The following SEMA6D variants were observed in gnomAD, a reference collection of about 807,000 sequenced individuals.
SEMA6D encodes semaphorin 6D, also known as semaphorin-6D.
Under a neutral mutation model 106.6 loss-of-function variants are expected in SEMA6D, and 35 were observed. That is an observed-to-expected ratio of 0.33 (90% CI 0.25 to 0.44). The LOEUF (loss-of-function observed/expected upper bound fraction) is 0.44. SEMA6D is among the 20% of genes least tolerant of loss of function. SEMA6D has a pLI of 1.00. For synonymous variants in SEMA6D, 499 were observed against 487.7 expected, an observed-to-expected ratio of 1.02 and a Z score of -0.31; for missense variants, 1,185 against 1,345.9, an observed-to-expected ratio of 0.88 and a Z score of 1.87.
intron 1 of SEMA6D, among the ~76,000 whole-genome samples, chr15:47,739,013 T>G (rs2080626492): frequency 6.6e-6 from 1 of 152,164 alleles, no homozygotes; most frequent in African/African-American, 2.4e-5. Flanking sequence ...TGTTTCATAC[T>G]TCAGTAGCTG....
chr15:47,452,351 C>T (rs1396155320), intron 2 of SEMA6D, among the ~76,000 whole-genome samples: 2 of 150,720 alleles, frequency 1.3e-5, no homozygotes, highest in Non-Finnish European at 3.0e-5. Flanking sequence ...CTCAAAGTCA[C>T]ACGACTTGTG....
intron 1 of SEMA6D, among the ~76,000 whole-genome samples, chr15:47,747,266 T>C (rs2081196811): frequency 6.6e-6 from 1 of 152,148 alleles, no homozygotes; most frequent in South Asian, 2.1e-4. Context: ...GTTGCTAGAA[T>C]TATGGTCCCC....
chr15:47,581,789 A>T (rs1193272023), intron 3 of SEMA6D, among the ~76,000 whole-genome samples: 1 of 152,216 alleles, frequency 6.6e-6, no homozygotes, highest in Non-Finnish European at 1.5e-5. Context: ...TTTTTCCACT[A>T]CTGATTGAAG....
chr15:47,328,007 A>T (rs2037198994), intron 1 of SEMA6D, among the ~76,000 whole-genome samples: 1 of 152,290 alleles, frequency 6.6e-6, no homozygotes, highest in Admixed American at 6.5e-5. Context: ...TTGTTCATGG[A>T]TCTACTGCAA....
intron 1 of SEMA6D, among the ~76,000 whole-genome samples, chr15:47,326,724 T>C (rs936334716): frequency 3.9e-5 from 6 of 152,222 alleles, no homozygotes; most frequent in African/African-American, 1.4e-4. Flanking sequence ...AGTCAGTGAC[T>C]TCCTTAGAAG....
chr15:47,585,665 A>G (rs72733898), intron 3 of SEMA6D, among the ~76,000 whole-genome samples: 27,981 of 152,198 alleles, frequency 0.18, 3,041 homozygotes, highest in African/African-American at 0.29. Flanking sequence ...GTGCGAGGCC[A>G]AACACATATT....
At chr15:47,343,373 G>T (rs567108148) in intron 1 of SEMA6D, among the ~76,000 whole-genome samples, 3 of 151,436 alleles carry the variant, frequency 2.0e-5, no homozygotes, top group Non-Finnish European at 4.4e-5. Context: ...GTCATTTAGC[G>T]TTAGGTATAT....
At chr15:47,284,654 G>A (rs1159263186) in intron 1 of SEMA6D, among the ~76,000 whole-genome samples, 1 of 152,118 alleles carries the variant, frequency 6.6e-6, no homozygotes, top group African/African-American at 2.4e-5. Context: ...AAGTTCTGAG[G>A]CACTGTCTGC....
At chr15:47,662,846 C>T (rs1056479052) in intron 4 of SEMA6D, among the ~76,000 whole-genome samples, 2 of 125,882 alleles carry the variant, frequency 1.6e-5, no homozygotes. Flanking sequence ...ATTATTCATG[C>T]GTGTATGAGC....
intron 3 of SEMA6D, among the ~76,000 whole-genome samples, chr15:47,530,143 C>T (rs570107091): frequency 6.6e-6 from 1 of 152,224 alleles, no homozygotes; most frequent in Non-Finnish European, 1.5e-5. Context: ...ATGATCCTCT[C>T]AGGCCCCGAC....
At chr15:47,229,202 C>T in intron 1 of SEMA6D, among the ~76,000 whole-genome samples, 1 of 152,020 alleles carries the variant, frequency 6.6e-6, no homozygotes, top group East Asian at 1.9e-4. Flanking sequence ...CTTCTTCCAG[C>T]TGCTGCCTTT....
At chr15:47,193,289 A>G (rs1182276268) in intron 1 of SEMA6D, among the ~76,000 whole-genome samples, 1 of 152,194 alleles carries the variant, frequency 6.6e-6, no homozygotes, top group African/African-American at 2.4e-5. Context: ...CTAATATGAA[A>G]ATACAAAATA....
At chr15:47,421,204 C>G (rs1362651498) in intron 2 of SEMA6D, among the ~76,000 whole-genome samples, 1 of 152,066 alleles carries the variant, frequency 6.6e-6, no homozygotes, top group Non-Finnish European at 1.5e-5. Context: ...TTGTTATACT[C>G]CTCATTCTCC....
At chr15:47,418,213 A>T (rs989437431) in intron 2 of SEMA6D, among the ~76,000 whole-genome samples, 7 of 152,106 alleles carry the variant, frequency 4.6e-5, no homozygotes, top group Admixed American at 2.0e-4. Context: ...TGTTCTAGGC[A>T]GAGAGAACAG....
chr15:47,507,885 G>A (rs1274947060), intron 3 of SEMA6D, among the ~76,000 whole-genome samples: 2 of 152,190 alleles, frequency 1.3e-5, no homozygotes, highest in Admixed American at 1.3e-4. Flanking sequence ...GAACAGATTT[G>A]GTTTGGTTCA....
At chr15:47,351,868 G>T (rs1216631577) in intron 1 of SEMA6D, among the ~76,000 whole-genome samples, 1 of 152,122 alleles carries the variant, frequency 6.6e-6, no homozygotes, top group East Asian at 1.9e-4. Flanking sequence ...TTTCTTGAGA[G>T]GAAAGTACTA....
chr15:47,642,982 G>T (rs2077516947), intron 4 of SEMA6D, among the ~76,000 whole-genome samples: 1 of 151,972 alleles, frequency 6.6e-6, no homozygotes, highest in Non-Finnish European at 1.5e-5. Flanking sequence ...TAGATATACA[G>T]ACAGAGATGG....
At chr15:47,722,575 G>C (rs563395989) in intron 1 of SEMA6D, among the ~76,000 whole-genome samples, 1 of 152,200 alleles carries the variant, frequency 6.6e-6, no homozygotes, top group East Asian at 1.9e-4. Flanking sequence ...TATGTTGCCA[G>C]GCTTTTTTGT....
At chr15:47,765,760 G>C in intron 13 of SEMA6D, 109 bp from the exon 14 acceptor site, 2 of 1,077,158 alleles carry the variant, frequency 1.9e-6, no homozygotes, top group Non-Finnish European at 2.5e-6. Context: ...TACTTGCCTG[G>C]TTTGTTACCA....
Sources: gnomAD v4.1 joint callset for allele counts (sites outside exome capture counted in the v4.1 genomes callset) on GRCh38, gnomAD v4.1.1 for gene constraint, MANE v1.5 for transcripts, NCBI Gene and HGNC (gene_info 2026-07-23, HGNC 2026-07-21) for gene names.